The following NR3C1 variants were observed in gnomAD, a reference collection of about 807,000 sequenced individuals.
NR3C1 encodes glucocorticoid receptor.
Under a neutral mutation model 74.0 loss-of-function variants are expected in NR3C1, and 14 were observed. The observed-to-expected ratio is 0.19, with a 90% CI of 0.12 to 0.30. NR3C1 has a LOEUF of 0.30. NR3C1 is among the 10% of genes least tolerant of loss of function. The pLI is 1.00. For synonymous variants in NR3C1, 308 were observed against 332.5 expected (o/e 0.93, Z 0.80); for missense variants, 695 against 909.8 (o/e 0.76, Z 3.04).
At chr5:143,295,254 T>C in intron 7 of NR3C1, 1 of 985,372 alleles carries the variant, frequency 1.0e-6, no homozygotes, top group Non-Finnish European at 1.2e-6. Context: ...TATACCTCTC[T>C]GTTTCTGCCA....
chr5:143,399,785 T>C lies in NR3C1; in HGVS notation c.1055A>G (p.Asn352Ser). The change falls in exon 2 of 9, where the codon AAT becomes AGT. Residue 352 changes from asparagine (N) to serine (S), a missense_variant. Coordinates refer to ENST00000394464, the MANE Select transcript of NR3C1 (RefSeq NM_000176.3). ...ACCAACGGGAATTGGTGGAATGACA[T>C]TAAAAATAGGCTTCTGATCCTGCTG... The part of the protein sequence containing the change: ...SQQQDQKPIF[N>S]VIPPIPVGSE... 1.2e-6 allele frequency: 2 copies of C among 1,614,184 alleles called. No individual in the cohort carries two copies. The highest frequency in any genetic ancestry group is 1.7e-6 in the Non-Finnish European group (2 of 1,180,018).
At chr5:143,394,553 A>G (rs1838850272) in intron 2 of NR3C1, among the ~76,000 whole-genome samples, 2 of 152,028 alleles carry the variant, frequency 1.3e-5, no homozygotes, top group East Asian at 1.9e-4. Context: ...CATTCAAGTC[A>G]TTAGATTTTC....
chr5:143,386,456 T>C (rs1036029079), intron 2 of NR3C1, among the ~76,000 whole-genome samples: 1 of 152,212 alleles, frequency 6.6e-6, no homozygotes, highest in African/African-American at 2.4e-5. Flanking sequence ...CCTGGAAGGA[T>C]GTTCAGGGTG....
At position 143,400,143 on chromosome 5, in the gene NR3C1, C is replaced by T. The variant is rs1241576112; in HGVS notation, c.697G>A (p.Asp233Asn). The stretch of plus-strand genomic sequence containing the variant: ...GAGTTTCCTTCCAAAAGGAATGAAT[C>T]GTCTTCTCCCGCCAGAGGAGAAAGC... ...CLLSPLAGED[D>N]SFLLEGNSNE... Residue 233 changes from aspartate (D) to asparagine (N), a missense_variant, in exon 2 of 9, where the codon GAT (aspartate) becomes AAT (asparagine). Asp to Asn is a conservative substitution (Grantham distance 23, BLOSUM62 1). Transcript: ENST00000394464. The T allele has an allele frequency of 2.5e-6, 4 of 1,614,048 alleles. No homozygotes were observed. In the Admixed American group the frequency reaches 5.0e-5, roughly 20 times the overall value.
rs866665037 is a variant in NR3C1 at position 143,400,758 on chromosome 5, C to T, written c.82G>A (p.Asp28Asn). ...CCTCCTCTTAGGGTTTTATAGAAGTCCATCACATCTCCCCTCTCCTGAGCA... is the reference window on the plus strand; with the variant it reads ...CCTCCTCTTAGGGTTTTATAGAAGTTCATCACATCTCCCCTCTCCTGAGCA... The part of the protein sequence containing the change: ...VLAQERGDVM[D>N]FYKTLRGGAT... Residue 28 changes from aspartate to asparagine, a missense_variant, in exon 2 of 9, where the codon GAC becomes AAC. Physicochemically the swap from Asp to Asn is conservative, Grantham distance 23 (BLOSUM62 1). This residue lies in a region of NR3C1 where 497 missense variants were observed against 489.5 expected (regional missense o/e 1.02). Coordinates refer to ENST00000394464, the MANE Select transcript of NR3C1 (RefSeq NM_000176.3). 3 of 1,614,180 alleles carry T rather than the reference C, an allele frequency of 1.9e-6. No homozygotes were observed. Among genetic ancestry groups the T allele is most frequent in the Non-Finnish European group, 2.5e-6 (3 of 1,180,044 alleles).
In NR3C1 at chr5:143,400,441, G is replaced by A. The variant is rs1207247393; in HGVS notation, c.399C>T (p.Thr133=). ...AACTCTTGGGGTTCTCTGGAACACT[G>A]GTCGACCTATTGAGGTTTGCAATGC... ...EESIANLNRS[T]SVPENPKSSA... The change falls in exon 2 of 9, where the codon ACC becomes ACT. Residue 133 remains threonine, a synonymous_variant. Transcript: ENST00000394464. 2.5e-6 allele frequency: 4 copies of A among 1,614,140 alleles called. No individual in the cohort carries two copies. Among genetic ancestry groups the A allele is most frequent in the Middle Eastern group, 3.3e-4 (2 of 6,062 alleles).
intron 2 of NR3C1, among the ~76,000 whole-genome samples, chr5:143,335,487 T>C (rs1013973443): frequency 1.3e-5 from 2 of 152,180 alleles, no homozygotes; most frequent in Non-Finnish European, 2.9e-5. Flanking sequence ...CTATAACTAT[T>C]TAGACAATTT....
chr5:143,404,790 C>G (rs1328407522), upstream of NR3C1: 1 of 157,078 alleles, frequency 6.4e-6, no homozygotes, highest in East Asian at 1.9e-4. Context: ...AACTCCTGAC[C>G]TCTTCTTCCA....
At chr5:143,346,729 A>G (rs1282792140) in intron 2 of NR3C1, among the ~76,000 whole-genome samples, 1 of 152,234 alleles carries the variant, frequency 6.6e-6, no homozygotes, top group Non-Finnish European at 1.5e-5. Context: ...TAAACTTCAA[A>G]AACTTAACAC....
At chr5:143,412,785 A>AT (rs1212832069) in intron 1 of NR3C1, among the ~76,000 whole-genome samples, 1 of 152,182 alleles carries the variant, frequency 6.6e-6, no homozygotes, top group Non-Finnish European at 1.5e-5. Flanking sequence ...ATGTCTCCAC[A>AT]TTCACCCACC....
intron 2 of NR3C1, among the ~76,000 whole-genome samples, chr5:143,352,546 T>G (rs1208640239): frequency 1.3e-5 from 2 of 152,182 alleles, no homozygotes; most frequent in Admixed American, 6.5e-5. Context: ...AAAATAATAT[T>G]AATACAGGCA....
rs182276598 is a variant in NR3C1, at chr5:143,336,138, T to G, written c.1185-21970A>C. ...AGGACATAGCTATAAAGCTCTCATT[T>G]TGAATCAAAATTTCAAATATTTCAA... is the stretch of plus-strand genomic sequence containing the variant. On this transcript the variant is annotated intron_variant, in intron 2 of 8. Coordinates refer to ENST00000394464, the MANE Select transcript of NR3C1 (RefSeq NM_000176.3). Among the ~76,000 whole-genome samples the G allele has an allele frequency of 1.1e-4, 16 of 152,362 alleles. No homozygotes were observed. The South Asian group carries it at 2.5e-3, about 24-fold the overall frequency.
chr5:143,400,169 A>G lies in NR3C1; in HGVS notation c.671T>C (p.Leu224Ser), dbSNP rs1295760386. 11 of 1,613,982 alleles carry G rather than the reference A, an allele frequency of 6.8e-6. No individual in the cohort carries two copies. Among genetic ancestry groups the G allele is most frequent in the Admixed American group, 3.3e-5 (2 of 59,974 alleles). The change falls in exon 2 of 9, where the codon TTG (leucine) becomes TCG (serine). Residue 224 changes from leucine (L) to serine (S), a missense_variant. Coordinates refer to ENST00000394464, the MANE Select transcript of NR3C1 (RefSeq NM_000176.3). ...RSDLLIDENC[L>S]LSPLAGEDDS... ...GTCTTCTCCCGCCAGAGGAGAAAGC[A>G]AACAGTTTTCATCTATCAACAGGTC...
At chr5:143,299,423 T>C (rs1818018264) in intron 5 of NR3C1, among the ~76,000 whole-genome samples, 2 of 151,622 alleles carry the variant, frequency 1.3e-5, no homozygotes, top group Admixed American at 1.3e-4. Context: ...TAGCCAAAAT[T>C]CTTGGCTTGG....
chr5:143,373,381 TA>T (rs1278362231), intron 2 of NR3C1, among the ~76,000 whole-genome samples: 1 of 141,430 alleles, frequency 7.1e-6, no homozygotes, highest in Non-Finnish European at 1.5e-5. Flanking sequence ...AAGATCTCTA[TA>T]AAAAAGCTTC....
intron 7 of NR3C1, chr5:143,294,140 C>T (rs969221251): frequency 1.9e-5 from 19 of 984,792 alleles, no homozygotes; most frequent in African/African-American, 5.2e-5. Context: ...GATGAATGTG[C>T]GCTTTGGAAA....
upstream of NR3C1, among the ~76,000 whole-genome samples, chr5:143,406,322 T>A (rs1841106562): frequency 6.6e-6 from 1 of 151,580 alleles, no homozygotes; most frequent in Non-Finnish European, 1.5e-5. Context: ...TCCCAATTAT[T>A]CTCCCTTCAT....
chr5:143,420,935 C>CCAA (rs1486057569), intron 1 of NR3C1, among the ~76,000 whole-genome samples: 1 of 152,116 alleles, frequency 6.6e-6, no homozygotes, highest in East Asian at 1.9e-4. Flanking sequence ...TGGAATCATT[C>CCAA]CAACTTTTTT....
Position 143,281,731 on chromosome 5 carries a change from G to T in NR3C1, c.*158C>A. On this transcript the variant is annotated 3_prime_UTR_variant, in exon 9 of 9. Transcript: ENST00000394464. ...CAACTGCTTCTGTTGCCAAGTCTTGGCCCTCTATAAACCACATGTAGTGCG... is the reference window on the plus strand; with the variant it reads ...CAACTGCTTCTGTTGCCAAGTCTTGTCCCTCTATAAACCACATGTAGTGCG... 1 of 709,252 alleles carries T rather than the reference G, an allele frequency of 1.4e-6. No individual in the cohort carries two copies. Among genetic ancestry groups the T allele is most frequent in the Non-Finnish European group, 2.3e-6 (1 of 433,204 alleles). 43.9% of individuals were successfully genotyped at this position (709,252 alleles called of 1,614,324 possible).
Sources: gnomAD v4.1 joint callset for allele counts (sites outside exome capture counted in the v4.1 genomes callset) on GRCh38, gnomAD v4.1.1 for gene constraint, gnomAD v4.1.1 regional missense constraint, MANE v1.5 for transcripts, NCBI Gene and HGNC (gene_info 2026-07-23, HGNC 2026-07-21) for gene names.